The following ETV1 variants were observed in gnomAD, a reference collection of about 807,000 sequenced individuals.
The protein encoded by ETV1 is ETS translocation variant 1.
In ETV1, 27 loss-of-function variants were observed where a neutral mutation model predicts 62.3. The observed-to-expected ratio is 0.43, with a 90% CI of 0.32 to 0.60. The LOEUF (loss-of-function observed/expected upper bound fraction) is 0.60, where lower values mean the gene tolerates loss of function less well. ETV1 is among the 20% of genes least tolerant of loss of function. The pLI is 0.06. For synonymous variants in ETV1, 222 were observed against 199.6 expected (o/e 1.11, Z -0.94); for missense variants, 605 against 605.8 (o/e 1.00, Z 0.01).
intron 6 of ETV1, among the ~76,000 whole-genome samples, chr7:13,973,978 T>A (rs1377036569): frequency 3.9e-5 from 6 of 152,180 alleles, no homozygotes; most frequent in Admixed American, 2.6e-4. Context: ...CTTATTGTTC[T>A]CCTATAACAT....
chr7:13,930,600 C>T (rs530135847), intron 9 of ETV1, among the ~76,000 whole-genome samples: 15 of 152,070 alleles, frequency 9.9e-5, no homozygotes, highest in African/African-American at 1.4e-4. Context: ...GGATTACAGG[C>T]GTGAGCCACC....
At chr7:13,962,342 G>A (rs888254930) in intron 6 of ETV1, among the ~76,000 whole-genome samples, 9 of 151,848 alleles carry the variant, frequency 5.9e-5, no homozygotes, top group Non-Finnish European at 1.2e-4. Context: ...AAATAGTAGA[G>A]ACTTGAACTC....
intron 6 of ETV1, among the ~76,000 whole-genome samples, chr7:13,975,347 C>T (rs1167018696): frequency 1.3e-5 from 2 of 151,910 alleles, no homozygotes; most frequent in Non-Finnish European, 2.9e-5. Context: ...GAGATCGAGA[C>T]CATCCTGGCC....
At chr7:13,956,303 C>A (rs914566089) in intron 6 of ETV1, among the ~76,000 whole-genome samples, 27 of 151,632 alleles carry the variant, frequency 1.8e-4, no homozygotes, top group Admixed American at 1.2e-3. Flanking sequence ...TACAACCTCC[C>A]AGCTGCTAGT....
rs773053524 is a variant in ETV1 at position 13,895,921 on chromosome 7, A to AT, written c.1378dup (p.Met460AsnfsTer80). On this transcript the variant is annotated frameshift_variant, in exon 14 of 14. Transcript: ENST00000430479. LOFTEE classifies it high-confidence loss of function. Reference sequence around the variant, plus strand: ...GGGGTTGCAGCAGCCCCCTTCCGGCATGTAGGCCATGCTCTCATCAAAGTG... The same window carrying AT: ...GGGGTTGCAGCAGCCCCCTTCCGGCATTGTAGGCCATGCTCTCATCAAAGTG... The AT allele has an allele frequency of 3.8e-5, 61 of 1,613,766 alleles. No individual in the cohort carries two copies. Among genetic ancestry groups the AT allele is most frequent in the Non-Finnish European group, 4.9e-5 (58 of 1,179,818 alleles).
chr7:13,937,570 C>T (rs565984837), intron 7 of ETV1, among the ~76,000 whole-genome samples: 2 of 152,196 alleles, frequency 1.3e-5, no homozygotes, highest in East Asian at 3.9e-4. Flanking sequence ...GATGATTTCA[C>T]AGTCACAATT....
intron 13 of ETV1, 187 bp downstream of exon 13, chr7:13,900,551 C>T (rs1782306208): frequency 3.8e-6 from 2 of 532,838 alleles, no homozygotes; most frequent in Non-Finnish European, 6.6e-6. Context: ...TATCACTACA[C>T]ATTTGTCTAC....
At chr7:13,933,420 T>A (rs148751909) in intron 8 of ETV1, among the ~76,000 whole-genome samples, 115 of 152,182 alleles carry the variant, frequency 7.6e-4, no homozygotes, top group African/African-American at 2.7e-3. Flanking sequence ...GCTGATGAAC[T>A]CCCAGATAAA....
At chr7:13,975,940 T>C (rs924740245) in intron 6 of ETV1, among the ~76,000 whole-genome samples, 2 of 152,222 alleles carry the variant, frequency 1.3e-5, no homozygotes, top group African/African-American at 4.8e-5. Flanking sequence ...GTTTAGCTTT[T>C]AGAAAGAAGA....
At chr7:13,973,644 C>G (rs969180759) in intron 6 of ETV1, among the ~76,000 whole-genome samples, 4 of 148,638 alleles carry the variant, frequency 2.7e-5, no homozygotes, top group Non-Finnish European at 4.5e-5. Flanking sequence ...TATCCTTCCA[C>G]TTTTTTTTTT....
chr7:13,915,946 CTT>C (rs1479632852), intron 9 of ETV1, among the ~76,000 whole-genome samples: 1 of 152,156 alleles, frequency 6.6e-6, no homozygotes, highest in East Asian at 1.9e-4. Flanking sequence ...AGTTACTAAA[CTT>C]GATGTGAATG....
intron 11 of ETV1, 53 bp downstream of exon 11, chr7:13,909,579 T>C: frequency 7.8e-7 from 1 of 1,277,270 alleles, no homozygotes; most frequent in African/African-American, 1.5e-5. Flanking sequence ...GAAGCGAAGG[T>C]AATCACTCCA....
intron 9 of ETV1, among the ~76,000 whole-genome samples, chr7:13,930,582 A>G (rs1785984425): frequency 1.3e-5 from 2 of 151,888 alleles, no homozygotes; most frequent in Admixed American, 1.3e-4. Flanking sequence ...CGGCCTCCCA[A>G]AGTGCTGGGA....
intron 5 of ETV1, among the ~76,000 whole-genome samples, chr7:13,983,330 T>C (rs1782191234): frequency 6.6e-6 from 1 of 151,986 alleles, no homozygotes; most frequent in Non-Finnish European, 1.5e-5. Context: ...AAGAAGCAAA[T>C]TTGGAAGAAT....
chr7:13,950,948 G>A (rs995328459), intron 6 of ETV1, among the ~76,000 whole-genome samples: 16 of 120,230 alleles, frequency 1.3e-4, no homozygotes, highest in Admixed American at 1.1e-3. Context: ...ACACAATATC[G>A]AGCAATACTG....
intron 6 of ETV1, among the ~76,000 whole-genome samples, chr7:13,959,305 G>A (rs1046386669): frequency 6.6e-6 from 1 of 152,082 alleles, no homozygotes; most frequent in Admixed American, 6.6e-5. Flanking sequence ...ATGGGGCACT[G>A]AGCCTAACTA....
chr7:13,976,468 C>G (rs181514536), intron 6 of ETV1, among the ~76,000 whole-genome samples: 61 of 152,260 alleles, frequency 4.0e-4, no homozygotes, highest in African/African-American at 1.5e-3. Flanking sequence ...CAACCCTCTA[C>G]GCCTGAGAAA....
intron 9 of ETV1, 55 bp downstream of exon 9, chr7:13,931,447 G>T: frequency 1.9e-6 from 3 of 1,605,418 alleles, no homozygotes; most frequent in Non-Finnish European, 2.6e-6. Flanking sequence ...TAACCAATGT[G>T]ACAAGGGAGG....
chr7:13,940,835 T>C (rs111719248), intron 6 of ETV1, among the ~76,000 whole-genome samples: 4 of 152,300 alleles, frequency 2.6e-5, no homozygotes, highest in African/African-American at 9.6e-5. Flanking sequence ...ACAAATACTA[T>C]TTGTTTTATA....
Sources: allele counts gnomAD v4.1 joint callset (sites outside exome capture counted in the v4.1 genomes callset), GRCh38; gene constraint gnomAD v4.1.1; transcripts MANE v1.5; gene names NCBI Gene and HGNC (gene_info 2026-07-23, HGNC 2026-07-21).